Variants in PLPPR5 observed in about 807,000 individuals in gnomAD.
PLPPR5 encodes the protein phospholipid phosphatase-related protein type 5.
In PLPPR5, 16 loss-of-function variants were observed where a neutral mutation model predicts 33.9. The observed-to-expected ratio is 0.47, with a 90% CI of 0.32 to 0.72. The LOEUF (loss-of-function observed/expected upper bound fraction) is 0.72, where lower values mean the gene tolerates loss of function less well. Ranked by LOEUF, PLPPR5 falls within the 30% of genes least tolerant of loss-of-function variation. The pLI, the probability that PLPPR5 is intolerant of heterozygous loss-of-function variation, is 0.03. For missense variants in PLPPR5, 301 were observed against 406.7 expected (o/e 0.74, Z 2.23); for synonymous variants, 163 against 150.3 (o/e 1.08, Z -0.62).
chr1:98,930,185 C>G (rs1373958040), intron 3 of PLPPR5, among the ~76,000 whole-genome samples: 1 of 152,032 alleles, frequency 6.6e-6, no homozygotes, highest in East Asian at 1.9e-4. Context: ...GAAGTAGAAC[C>G]TGCAAAACTT....
At chr1:98,934,732 G>A (rs1398844426) in intron 3 of PLPPR5, among the ~76,000 whole-genome samples, 1 of 152,106 alleles carries the variant, frequency 6.6e-6, no homozygotes, top group East Asian at 1.9e-4. Context: ...TAAGTCTCAA[G>A]TATAAAAAGA....
intron 1 of PLPPR5, among the ~76,000 whole-genome samples, chr1:99,000,487 A>G (rs780672476): frequency 1.3e-5 from 2 of 152,100 alleles, no homozygotes; most frequent in Non-Finnish European, 1.5e-5. Flanking sequence ...TGTATACGCC[A>G]TTTTCCCCAC....
At chr1:98,984,959 A>T (rs1347769040) in intron 1 of PLPPR5, among the ~76,000 whole-genome samples, 1 of 152,036 alleles carries the variant, frequency 6.6e-6, no homozygotes, top group African/African-American at 2.4e-5. Context: ...TCTTGTATTG[A>T]GCTGGCTATG....
chr1:98,958,506 T>C (rs1651105723), intron 1 of PLPPR5, among the ~76,000 whole-genome samples: 1 of 151,928 alleles, frequency 6.6e-6, no homozygotes, highest in Non-Finnish European at 1.5e-5. Flanking sequence ...TTGGTGAGAG[T>C]GGATTGAGTT....
chr1:98,942,455 T>A (rs1176810949), intron 3 of PLPPR5, among the ~76,000 whole-genome samples: 1 of 152,168 alleles, frequency 6.6e-6, no homozygotes, highest in African/African-American at 2.4e-5. Flanking sequence ...TGGCTGTGCA[T>A]TAGCTTGTTA....
intron 1 of PLPPR5, among the ~76,000 whole-genome samples, chr1:98,975,089 A>C (rs964451844): frequency 4.6e-5 from 7 of 151,988 alleles, no homozygotes; most frequent in Admixed American, 3.3e-4. Context: ...CCTCTTTTGT[A>C]ACTATTCCTT....
Position 98,893,053 on chromosome 1 carries a change from A to G in PLPPR5, c.*19T>C. On this transcript the variant is annotated 3_prime_UTR_variant, in exon 6 of 6. Coordinates refer to ENST00000263177, the MANE Select transcript of PLPPR5 (RefSeq NM_001037317.2). Reference sequence around the variant, plus strand: ...AAAGGGATGATGTCCAATGCAGTGAAAAACCATCTGCTTCGATATCATGTG... The same window carrying G: ...AAAGGGATGATGTCCAATGCAGTGAGAAACCATCTGCTTCGATATCATGTG... 1 of 1,610,640 alleles carries G rather than the reference A, an allele frequency of 6.2e-7. No individual in the cohort carries two copies.
intron 3 of PLPPR5, among the ~76,000 whole-genome samples, chr1:98,932,462 C>T (rs1650013773): frequency 6.6e-6 from 1 of 152,128 alleles, no homozygotes; most frequent in Admixed American, 6.5e-5. Context: ...CTTTGGAGAG[C>T]TGGGCTTGTG....
chr1:98,991,198 G>C (rs1652439589), intron 1 of PLPPR5: 1 of 151,740 alleles, frequency 6.6e-6, no homozygotes, highest in Non-Finnish European at 1.5e-5. Flanking sequence ...CTCAGCAGGA[G>C]AGAAAATGCC....
intron 5 of PLPPR5, among the ~76,000 whole-genome samples, chr1:98,912,413 C>T (rs2101149673): frequency 6.6e-6 from 1 of 152,282 alleles, no homozygotes; most frequent in Middle Eastern, 3.4e-3. Context: ...GTAAGCTCAT[C>T]CAGGGACCCA....
intron 1 of PLPPR5, among the ~76,000 whole-genome samples, chr1:98,965,713 C>T (rs1055770025): frequency 1.3e-5 from 2 of 152,208 alleles, no homozygotes; most frequent in African/African-American, 2.4e-5. Flanking sequence ...TGTAGATTTT[C>T]ATCAAATGTC....
intron 5 of PLPPR5, among the ~76,000 whole-genome samples, chr1:98,900,023 T>C (rs1218483276): frequency 6.6e-6 from 1 of 152,182 alleles, no homozygotes; most frequent in Non-Finnish European, 1.5e-5. Context: ...AGCTATATTC[T>C]CAACCAGTAA....
intron 1 of PLPPR5, among the ~76,000 whole-genome samples, chr1:98,979,410 T>C (rs986795156): frequency 6.6e-6 from 1 of 152,126 alleles, no homozygotes; most frequent in African/African-American, 2.4e-5. Context: ...CATTTGATTA[T>C]TGTGAGCTAT....
At chr1:98,920,356 C>T (rs1056483132) in intron 4 of PLPPR5, among the ~76,000 whole-genome samples, 4 of 150,602 alleles carry the variant, frequency 2.7e-5, no homozygotes, top group Non-Finnish European at 4.4e-5. Flanking sequence ...TACTTGTATG[C>T]TCTTGGCTTT....
Position 98,968,632 on chromosome 1 carries a change from T to G in PLPPR5, c.238-11891A>C, listed in dbSNP as rs551863619. ...TAAAACCTTACTTGTTCATCAACATTTATAAATTATATTACTTGGCACTGT... is the reference window on the plus strand; with the variant it reads ...TAAAACCTTACTTGTTCATCAACATGTATAAATTATATTACTTGGCACTGT... On this transcript the variant is annotated intron_variant, in intron 1 of 5. Coordinates refer to ENST00000263177, the MANE Select transcript of PLPPR5 (RefSeq NM_001037317.2). Among the ~76,000 whole-genome samples, 7 of 152,174 alleles carry G rather than the reference T, an allele frequency of 4.6e-5. No individual in the cohort carries two copies. In the East Asian group the frequency reaches 1.4e-3, roughly 29 times the overall value.
At chr1:98,988,510 A>G (rs1487823247) in intron 1 of PLPPR5, among the ~76,000 whole-genome samples, 1 of 152,074 alleles carries the variant, frequency 6.6e-6, no homozygotes, top group Non-Finnish European at 1.5e-5. Flanking sequence ...GTTTCCTCCA[A>G]TATTGGGCTA....
At chr1:98,953,714 AT>A (rs1156716162) in intron 2 of PLPPR5, among the ~76,000 whole-genome samples, 1 of 151,772 alleles carries the variant, frequency 6.6e-6, no homozygotes, top group Non-Finnish European at 1.5e-5. Context: ...TTTTTTGAAA[AT>A]TTTTTTATCT....
chr1:98,959,102 G>A (rs1266649733), intron 1 of PLPPR5, among the ~76,000 whole-genome samples: 1 of 152,164 alleles, frequency 6.6e-6, no homozygotes, highest in African/African-American at 2.4e-5. Context: ...TTAATCTTTT[G>A]CCTGACTTCT....
chr1:98,946,292 T>A (rs1372547111), intron 3 of PLPPR5, among the ~76,000 whole-genome samples: 1 of 152,194 alleles, frequency 6.6e-6, no homozygotes, highest in Non-Finnish European at 1.5e-5. Context: ...TTCTAGGTAT[T>A]CAATATATAT....
Sources: allele counts gnomAD v4.1 joint callset (sites outside exome capture counted in the v4.1 genomes callset), GRCh38; gene constraint gnomAD v4.1.1; transcripts MANE v1.5; gene names NCBI Gene and HGNC (gene_info 2026-07-23, HGNC 2026-07-21).